The following PCDH15 variants were observed in gnomAD, a reference collection of about 807,000 sequenced individuals.
PCDH15 encodes protocadherin related 15, also known as protocadherin-15.
PCDH15 carries 129 observed loss-of-function variants against 178.5 expected under a neutral mutation model. The observed-to-expected ratio is 0.72, with a 90% CI of 0.63 to 0.84. The LOEUF is 0.84. Ranked by LOEUF, PCDH15 falls within the 40% of genes least tolerant of loss-of-function variation. PCDH15 has a pLI of 0.00. For missense variants in PCDH15, 2,230 were observed against 2,099.9 expected (o/e 1.06, Z -1.21); for synonymous variants, 800 against 732.0 (o/e 1.09, Z -1.50).
chr10:55,084,020 T>C (rs1842104056), intron 2 of PCDH15, among the ~76,000 whole-genome samples: 1 of 151,696 alleles, frequency 6.6e-6, no homozygotes. Context: ...TATAAGATAA[T>C]GTAATTCCTA....
intron 2 of PCDH15, among the ~76,000 whole-genome samples, chr10:54,553,884 T>G (rs556497144): frequency 6.6e-6 from 1 of 152,310 alleles, no homozygotes; most frequent in Non-Finnish European, 1.5e-5. Flanking sequence ...TGTTGCTAGA[T>G]TCTCATGGCT....
chr10:54,871,575 C>A (rs1247947654), intron 3 of PCDH15, among the ~76,000 whole-genome samples: 1 of 151,900 alleles, frequency 6.6e-6, no homozygotes, highest in African/African-American at 2.4e-5. Context: ...TGGGAAAATT[C>A]CATACAAAAG....
intron 3 of PCDH15, among the ~76,000 whole-genome samples, chr10:54,896,839 A>AG (rs2131821497): frequency 6.6e-6 from 1 of 152,220 alleles, no homozygotes; most frequent in Non-Finnish European, 1.5e-5. Context: ...AGTAAAAAAA[A>AG]CAATGTTTCT....
chr10:55,244,087 C>A (rs1188890580), intron 1 of PCDH15, among the ~76,000 whole-genome samples: 1 of 151,916 alleles, frequency 6.6e-6, no homozygotes, highest in Admixed American at 6.6e-5. Context: ...GATAATTTGT[C>A]TTTAGTTCTC....
chr10:54,665,890 G>A (rs925184960), intron 1 of PCDH15, among the ~76,000 whole-genome samples: 1 of 151,504 alleles, frequency 6.6e-6, no homozygotes. Flanking sequence ...CTAACCTGTA[G>A]AAAAAAGAAA....
chr10:55,493,780 T>C (rs1011541647), intron 2 of PCDH15, among the ~76,000 whole-genome samples: 1 of 151,860 alleles, frequency 6.6e-6, no homozygotes, highest in Non-Finnish European at 1.5e-5. Flanking sequence ...CAGACTGAAA[T>C]TAAGTGATTA....
At chr10:54,285,158 AC>A (rs1423419622) in intron 8 of PCDH15, among the ~76,000 whole-genome samples, 1 of 152,176 alleles carries the variant, frequency 6.6e-6, no homozygotes, top group Non-Finnish European at 1.5e-5. Flanking sequence ...TGAGAAGTCA[AC>A]CATATAATAC....
chr10:53,959,694 A>T, intron 23 of PCDH15, 38 bp downstream of exon 23: 1 of 1,493,296 alleles, frequency 6.7e-7, no homozygotes. Flanking sequence ...AATGCCCTAA[A>T]CATTTCGTGT....
At chr10:54,282,703 C>A (rs1355203344) in intron 8 of PCDH15, among the ~76,000 whole-genome samples, 4 of 151,844 alleles carry the variant, frequency 2.6e-5, no homozygotes, top group Non-Finnish European at 4.4e-5. Flanking sequence ...TTTCATTAGA[C>A]TTGTGATGAA....
intron 2 of PCDH15, among the ~76,000 whole-genome samples, chr10:55,431,390 T>C (rs1306006169): frequency 3.3e-5 from 5 of 152,156 alleles, no homozygotes; most frequent in Non-Finnish European, 5.9e-5. Flanking sequence ...TAAGGCTCCA[T>C]CTCTCGCTTC....
Position 54,190,994 on chromosome 10 carries a change from C to T in PCDH15, c.1305+4689G>A, listed in dbSNP as rs150832232. On this transcript the variant is annotated intron_variant, in intron 11 of 37. Transcript: ENST00000644397. ...ACTGGTTTCAACTCAGTATGAAAAA[C>T]AGCTTTCTAAGAATTAGAGTTGTTC... is the stretch of plus-strand genomic sequence containing the variant. Among the ~76,000 whole-genome samples, 8 of 152,204 alleles carry T rather than the reference C, an allele frequency of 5.3e-5. No individual in the cohort carries two copies. The East Asian group carries it at 1.2e-3, about 22-fold the overall frequency.
At chr10:55,110,076 TTTA>T (rs1286851934) in intron 2 of PCDH15, among the ~76,000 whole-genome samples, 12 of 151,728 alleles carry the variant, frequency 7.9e-5, no homozygotes, top group African/African-American at 2.4e-4. Flanking sequence ...TAGCATAAAG[TTTA>T]TTAATATTCT....
rs1398668393 is a variant in PCDH15 at position 55,619,310 on chromosome 10, T to TA, written c.-156+8314dup. ...ACATGTAAAAACTGCATCAGAATTTTAAAAAAACTATAGCGTCATTGGTTC... is the reference window on the plus strand; with the variant it reads ...ACATGTAAAAACTGCATCAGAATTTTAAAAAAAACTATAGCGTCATTGGTTC... On this transcript the variant is annotated intron_variant, in intron 2 of 5. Coordinates refer to the PCDH15 transcript ENST00000613346. 5.9e-5 allele frequency among the ~76,000 whole-genome samples: 9 copies of TA among 152,060 alleles called. No homozygotes were observed. In the Middle Eastern group the frequency reaches 0.014, roughly 230 times the overall value.
At chr10:55,595,889 A>T (rs1374824964) in intron 2 of PCDH15, among the ~76,000 whole-genome samples, 1 of 152,156 alleles carries the variant, frequency 6.6e-6, no homozygotes, top group Non-Finnish European at 1.5e-5. Context: ...AAGTAAGCTC[A>T]GTCAAGATAC....
chr10:54,965,635 ATATG>A (rs1336868232), intron 2 of PCDH15, among the ~76,000 whole-genome samples: 4 of 125,734 alleles, frequency 3.2e-5, no homozygotes, highest in African/African-American at 1.2e-4. Context: ...ATATATATAT[ATATG>A]TTGGGTATAT....
intron 3 of PCDH15, among the ~76,000 whole-genome samples, chr10:54,825,173 T>G (rs1953106221): frequency 6.6e-6 from 1 of 152,030 alleles, no homozygotes; most frequent in Non-Finnish European, 1.5e-5. Context: ...GGTTTCCAGC[T>G]TCATCCATGT....
chr10:54,540,907 C>A (rs1189631083), intron 2 of PCDH15, among the ~76,000 whole-genome samples: 1 of 152,114 alleles, frequency 6.6e-6, no homozygotes, highest in Non-Finnish European at 1.5e-5. Flanking sequence ...AAACCAAAAA[C>A]TATACGATAA....
At chr10:54,820,121 C>T (rs527656472) in intron 3 of PCDH15, among the ~76,000 whole-genome samples, 2 of 151,864 alleles carry the variant, frequency 1.3e-5, no homozygotes, top group Non-Finnish European at 2.9e-5. Flanking sequence ...CCAACAATGA[C>T]AAGGAAAGTA....
At chr10:54,262,108 T>C (rs967245435) in intron 8 of PCDH15, among the ~76,000 whole-genome samples, 1 of 152,056 alleles carries the variant, frequency 6.6e-6, no homozygotes, top group Non-Finnish European at 1.5e-5. Context: ...ACGACCCCCA[T>C]AGATCTTTGG....
Sources: gnomAD v4.1 joint callset for allele counts (sites outside exome capture counted in the v4.1 genomes callset) on GRCh38, gnomAD v4.1.1 for gene constraint, MANE v1.5 for transcripts, NCBI Gene and HGNC (gene_info 2026-07-23, HGNC 2026-07-21) for gene names.